MSH3: variants seen among roughly 807,000 people sequenced by gnomAD.
The protein encoded by MSH3 is mutS homolog 3.
MSH3 carries 106 observed loss-of-function variants against 123.3 expected under a neutral mutation model. That is an observed-to-expected ratio of 0.86 (90% CI 0.73 to 1.01). MSH3 has a LOEUF of 1.01. Ranked by LOEUF, MSH3 falls within the 50% of genes least tolerant of loss-of-function variation. The pLI, the probability that MSH3 is intolerant of heterozygous loss-of-function variation, is 0.00. For missense variants in MSH3, 1,459 were observed against 1,347.6 expected (o/e 1.08, Z -1.29); for synonymous variants, 515 against 481.4 (o/e 1.07, Z -0.91).
intron 20 of MSH3, among the ~76,000 whole-genome samples, chr5:80,835,234 C>G (rs1196352368): frequency 6.6e-6 from 1 of 152,214 alleles, no homozygotes; most frequent in Admixed American, 6.5e-5. Context: ...TTGTTTACAG[C>G]TTGTCTATGT....
intron 20 of MSH3, among the ~76,000 whole-genome samples, chr5:80,844,993 C>T (rs186835562): frequency 3.8e-4 from 58 of 152,244 alleles, no homozygotes; most frequent in African/African-American, 1.1e-3. Context: ...TTCTTCATAG[C>T]GTCAATGGTC....
intron 8 of MSH3, among the ~76,000 whole-genome samples, chr5:80,705,119 C>T (rs1750689588): frequency 6.6e-6 from 1 of 152,156 alleles, no homozygotes; most frequent in African/African-American, 2.4e-5. Flanking sequence ...TAAATATTAC[C>T]TCCTGTTATT....
Position 80,725,521 on chromosome 5 carries a change from A to G in MSH3, c.1409A>G (p.Gln470Arg), listed in dbSNP as rs1743271858. 1.2e-6 allele frequency: 2 copies of G among 1,614,018 alleles called. No individual in the cohort carries two copies. The highest frequency in any genetic ancestry group is 1.7e-4 in the Middle Eastern group (1 of 6,060). Reference sequence around the variant, plus strand: ...TATTTTGAATACAGCCATGCTTTCCAGGCAGTTACAGAGTTTTATGCAAAA... The same window carrying G: ...TATTTTGAATACAGCCATGCTTTCCGGGCAGTTACAGAGTTTTATGCAAAA... ...NIYFEYSHAF[Q>R]AVTEFYAKDT... The change falls in exon 9 of 24, where the codon CAG (glutamine) becomes CGG (arginine). Residue 470 changes from glutamine (Q) to arginine (R), a missense_variant. Gln to Arg is a conservative substitution (Grantham distance 43). Coordinates refer to ENST00000265081, the MANE Select transcript of MSH3 (RefSeq NM_002439.5).
chr5:80,669,601 A>G (rs905474507), intron 3 of MSH3, among the ~76,000 whole-genome samples: 4 of 152,134 alleles, frequency 2.6e-5, no homozygotes, highest in African/African-American at 4.8e-5. Context: ...CTTTCTTTCT[A>G]TAAGAATTTA....
intron 20 of MSH3, among the ~76,000 whole-genome samples, chr5:80,827,297 G>T (rs987891262): frequency 1.3e-5 from 2 of 152,218 alleles, no homozygotes; most frequent in African/African-American, 4.8e-5. Flanking sequence ...TTCATGCCAT[G>T]CTACTTACAC....
intron 8 of MSH3, among the ~76,000 whole-genome samples, chr5:80,698,342 A>G (rs1273016447): frequency 6.6e-6 from 1 of 152,170 alleles, no homozygotes; most frequent in African/African-American, 2.4e-5. Context: ...CAGCTTTGTT[A>G]CTAGGTGGCA....
rs866587127 is a variant in MSH3, at chr5:80,795,521, T to C, written c.2655+2677T>C. ...TCATGTATTCACACAGTGGAAGGGATAAGGGGTCTCTCTCAGGCCCTCATG... is the reference window on the plus strand; with the variant it reads ...TCATGTATTCACACAGTGGAAGGGACAAGGGGTCTCTCTCAGGCCCTCATG... On this transcript the variant is annotated intron_variant, in intron 19 of 23. Coordinates refer to ENST00000265081, the MANE Select transcript of MSH3 (RefSeq NM_002439.5). Among the ~76,000 whole-genome samples the C allele has an allele frequency of 2.6e-5, 4 of 152,142 alleles. 1 individual carries two copies. In the South Asian group the frequency reaches 8.3e-4, roughly 32 times the overall value.
At chr5:80,749,640 A>G (rs1247100598) in intron 12 of MSH3, among the ~76,000 whole-genome samples, 1 of 152,226 alleles carries the variant, frequency 6.6e-6, no homozygotes, top group Non-Finnish European at 1.5e-5. Context: ...GTGATATTTC[A>G]TTACATATAT....
chr5:80,844,568 T>G (rs540259301), intron 20 of MSH3, among the ~76,000 whole-genome samples: 1 of 152,346 alleles, frequency 6.6e-6, no homozygotes, highest in South Asian at 2.1e-4. Flanking sequence ...ACTTGCTTTA[T>G]GAATCTGGAT....
At chr5:80,764,363 A>G (rs557203990) in intron 13 of MSH3, among the ~76,000 whole-genome samples, 6 of 151,690 alleles carry the variant, frequency 4.0e-5, no homozygotes, top group Admixed American at 1.3e-4. Flanking sequence ...CTGGTATAAA[A>G]TAGACATTTC....
chr5:80,819,074 A>G (rs1745155233), intron 20 of MSH3, among the ~76,000 whole-genome samples: 1 of 152,044 alleles, frequency 6.6e-6, no homozygotes, highest in South Asian at 2.1e-4. Flanking sequence ...ACCAATGTCC[A>G]GTTGACCCAA....
chr5:80,676,997 G>A (rs1389941038), intron 7 of MSH3, among the ~76,000 whole-genome samples: 1 of 152,128 alleles, frequency 6.6e-6, no homozygotes, highest in Non-Finnish European at 1.5e-5. Flanking sequence ...AACCACTTTT[G>A]GGCTGATGAC....
chr5:80,788,917 T>C (rs1057104356), intron 18 of MSH3, among the ~76,000 whole-genome samples: 1 of 152,194 alleles, frequency 6.6e-6, no homozygotes, highest in African/African-American at 2.4e-5. Context: ...TTCACTGCCA[T>C]AGGTGTCATC....
At chr5:80,775,474 C>G (rs1290048501) in intron 15 of MSH3, among the ~76,000 whole-genome samples, 3 of 152,034 alleles carry the variant, frequency 2.0e-5, no homozygotes, top group Non-Finnish European at 4.4e-5. Flanking sequence ...CCAAGTATTA[C>G]AAATGTTTTA....
intron 8 of MSH3, among the ~76,000 whole-genome samples, chr5:80,715,802 A>G (rs1750948332): frequency 6.6e-6 from 1 of 152,210 alleles, no homozygotes; most frequent in African/African-American, 2.4e-5. Context: ...CTCACTCACT[A>G]TCACAAGAAC....
intron 23 of MSH3, among the ~76,000 whole-genome samples, chr5:80,875,192 T>C (rs993002845): frequency 4.6e-5 from 7 of 152,082 alleles, no homozygotes; most frequent in African/African-American, 1.7e-4. Flanking sequence ...TTGGGGAAAG[T>C]GAGACCAGCA....
intron 20 of MSH3, among the ~76,000 whole-genome samples, chr5:80,835,857 G>A (rs1409146182): frequency 6.6e-6 from 1 of 152,036 alleles, no homozygotes; most frequent in Non-Finnish European, 1.5e-5. Context: ...AGAGGTTACA[G>A]TGAGCTGAGA....
chr5:80,793,550 G>C (rs1325292919), intron 19 of MSH3, among the ~76,000 whole-genome samples: 3 of 152,138 alleles, frequency 2.0e-5, no homozygotes, highest in Non-Finnish European at 4.4e-5. Flanking sequence ...TCCCCAGGGA[G>C]GAGATACCAA....
chr5:80,761,811 C>A, intron 13 of MSH3, 133 bp downstream of exon 13: 1 of 990,320 alleles, frequency 1.0e-6, no homozygotes, highest in Non-Finnish European at 1.5e-6. Flanking sequence ...GCGAGAGTAG[C>A]TGAATCCTCA....
Sources: gnomAD v4.1 joint callset for allele counts (sites outside exome capture counted in the v4.1 genomes callset) on GRCh38, gnomAD v4.1.1 for gene constraint, MANE v1.5 for transcripts, NCBI Gene and HGNC (gene_info 2026-07-23, HGNC 2026-07-21) for gene names.